Variants in DTNBP1 observed in about 807,000 individuals in gnomAD.
DTNBP1 encodes dystrobrevin binding protein 1.
A neutral mutation model predicts 42.8 loss-of-function variants in DTNBP1; 35 were observed. The ratio of observed to expected loss-of-function variants is 0.82; its 90% CI spans 0.63 to 1.09. DTNBP1 has a LOEUF of 1.09. Among genes scored for constraint, DTNBP1 ranks in the 50% least tolerant of loss-of-function variants. The pLI, the probability that DTNBP1 is intolerant of heterozygous loss-of-function variation, is 0.00. For missense variants in DTNBP1, 457 were observed against 424.2 expected (o/e 1.08, Z -0.68); for synonymous variants, 171 against 162.2 (o/e 1.05, Z -0.41).
At chr6:15,643,244 T>C (rs1180279488) in intron 3 of DTNBP1, among the ~76,000 whole-genome samples, 1 of 151,780 alleles carries the variant, frequency 6.6e-6, no homozygotes, top group Non-Finnish European at 1.5e-5. Context: ...CAGACAAAAA[T>C]AAAGAAAACT....
At chr6:15,559,489 A>G (rs1041308514) in intron 7 of DTNBP1, among the ~76,000 whole-genome samples, 2 of 152,234 alleles carry the variant, frequency 1.3e-5, no homozygotes, top group African/African-American at 4.8e-5. Flanking sequence ...GGTGACAACC[A>G]GTTCATTGGC....
At chr6:15,650,472 G>C (rs2113805534) in intron 3 of DTNBP1, among the ~76,000 whole-genome samples, 1 of 152,176 alleles carries the variant, frequency 6.6e-6, no homozygotes, top group South Asian at 2.1e-4. Context: ...GTAAGAGACA[G>C]GGTTTCACCA....
intron 1 of DTNBP1, 62 bp downstream of exon 1, chr6:15,662,752 G>T: frequency 6.2e-7 from 1 of 1,602,766 alleles, no homozygotes. Context: ...AGCGAGGCAG[G>T]GGCATCCCAG....
chr6:15,649,044 C>T (rs1042399461), intron 3 of DTNBP1, among the ~76,000 whole-genome samples: 1 of 151,974 alleles, frequency 6.6e-6, no homozygotes, highest in Non-Finnish European at 1.5e-5. Flanking sequence ...GAAATTAGAA[C>T]CTTTATACAA....
At chr6:15,526,731 G>A (rs768796736) in intron 8 of DTNBP1, among the ~76,000 whole-genome samples, 11 of 152,302 alleles carry the variant, frequency 7.2e-5, no homozygotes, top group African/African-American at 1.9e-4. Flanking sequence ...TCTGACCTAC[G>A]GAAGCCTTTC....
At position 15,615,121 on chromosome 6, in the gene DTNBP1, T is replaced by TA. The variant is rs143081101; in HGVS notation, c.488+145dup. 4.9e-3 allele frequency: 6,378 copies of TA among 1,292,820 alleles called. 240 individuals are homozygous for TA. In the African/African-American group the frequency reaches 0.08, roughly 16 times the overall value. 80.1% of individuals were successfully genotyped at this position (1,292,820 alleles called of 1,614,324 possible). A position where few individuals can be genotyped will look rare whatever the true frequency, so the allele number is the denominator to read the frequency against. The stretch of plus-strand genomic sequence containing the variant: ...AAAGATGGCAACAGACAGTGGTTTT[T>TA]AAAAAAAGTTTTGGAAAGCTTATTT... On this transcript the variant is annotated intron_variant, in intron 6 of 9. Transcript: ENST00000344537.
chr6:15,547,953 A>G (rs1773978882), intron 7 of DTNBP1, among the ~76,000 whole-genome samples: 1 of 152,264 alleles, frequency 6.6e-6, no homozygotes, highest in Non-Finnish European at 1.5e-5. Context: ...TCTGGCAAAT[A>G]AAAATTTTAG....
intron 6 of DTNBP1, among the ~76,000 whole-genome samples, chr6:15,609,746 G>C (rs1025240716): frequency 6.6e-6 from 1 of 152,200 alleles, no homozygotes; most frequent in African/African-American, 2.4e-5. Context: ...AATTGAATAT[G>C]ATTCCTCAGC....
intron 1 of DTNBP1, among the ~76,000 whole-genome samples, chr6:15,659,512 T>C (rs1157329585): frequency 6.6e-6 from 1 of 152,088 alleles, no homozygotes; most frequent in Non-Finnish European, 1.5e-5. Context: ...CAGGGCCATG[T>C]TTTTTCATTT....
At chr6:15,538,870 C>A (rs551899102) in intron 7 of DTNBP1, among the ~76,000 whole-genome samples, 1 of 152,320 alleles carries the variant, frequency 6.6e-6, no homozygotes, top group South Asian at 2.1e-4. Flanking sequence ...ATTGTTTCCT[C>A]TGGTTCAGCT....
intron 9 of DTNBP1, 91 bp from the exon 10 acceptor site, chr6:15,523,310 A>G (rs1022270598): frequency 4.4e-5 from 68 of 1,549,688 alleles, no homozygotes; most frequent in East Asian, 1.1e-4. Context: ...GCCCGTCATG[A>G]AAGGGGGGTG....
chr6:15,616,891 A>C (rs977464537), intron 5 of DTNBP1, among the ~76,000 whole-genome samples: 2 of 152,234 alleles, frequency 1.3e-5, no homozygotes, highest in African/African-American at 4.8e-5. Context: ...GCCACCAAAA[A>C]AACTTTCAGA....
intron 9 of DTNBP1, chr6:15,524,055 A>T: frequency 7.7e-7 from 1 of 1,299,780 alleles, no homozygotes. Flanking sequence ...GGATGAAAGG[A>T]ACTGAAGTGC....
intron 3 of DTNBP1, among the ~76,000 whole-genome samples, chr6:15,645,112 C>T (rs1760599011): frequency 6.6e-6 from 1 of 151,720 alleles, no homozygotes; most frequent in South Asian, 2.1e-4. Context: ...TAACTGACAC[C>T]ACAGAAAGAC....
At position 15,648,376 on chromosome 6, in the gene DTNBP1, C is replaced by T. The variant is rs919462277; in HGVS notation, c.161+2937G>A. On this transcript the variant is annotated intron_variant, in intron 3 of 9. Coordinates refer to ENST00000344537, the MANE Select transcript of DTNBP1 (RefSeq NM_032122.5). ...CTGCTTTTTCCACTTCGATTCAACA[C>T]AGTACTGGATGGTCTAGCCAGAGCA... 5.3e-5 allele frequency among the ~76,000 whole-genome samples: 8 copies of T among 151,950 alleles called. No individual in the cohort carries two copies. In the East Asian group the frequency reaches 5.8e-4, roughly 11 times the overall value.
At chr6:15,612,440 A>G (rs886947568) in intron 6 of DTNBP1, among the ~76,000 whole-genome samples, 7 of 152,230 alleles carry the variant, frequency 4.6e-5, no homozygotes, top group African/African-American at 1.7e-4. Context: ...TATTGCTATC[A>G]TATGTTTCCA....
At chr6:15,650,052 G>A (rs1366867347) in intron 3 of DTNBP1, among the ~76,000 whole-genome samples, 1 of 152,076 alleles carries the variant, frequency 6.6e-6, no homozygotes, top group Non-Finnish European at 1.5e-5. Flanking sequence ...TTTCACTTCA[G>A]AGAAGAAAAA....
rs144802190 is a variant in DTNBP1 at position 15,634,498 on chromosome 6, A to G, written c.222+3246T>C. Among the ~76,000 whole-genome samples the G allele has an allele frequency of 1.0e-3, 159 of 152,190 alleles. 1 individual carries two copies. The East Asian group carries it at 0.027, about 26-fold the overall frequency. On this transcript the variant is annotated intron_variant, in intron 4 of 9. Coordinates refer to ENST00000344537, the MANE Select transcript of DTNBP1 (RefSeq NM_032122.5). ...CACCAGGCTAATTTTTTGTATTTTC[A>G]GTAGAGACAGGATTTCACCACGTTG...
chr6:15,524,251 G>A lies in DTNBP1; in HGVS notation c.811+275C>T, dbSNP rs533002799. ...AGCAGACTCAAATGGATTTCTGGGT[G>A]GTAAAGGAGGGAAAACAAACAAGAA... On this transcript the variant is annotated intron_variant, in intron 9 of 9. Transcript: ENST00000344537. 27 of 1,589,108 alleles carry A rather than the reference G, an allele frequency of 1.7e-5. No homozygotes were observed. In the African/African-American group the frequency reaches 3.0e-4, roughly 17 times the overall value.
Sources: allele counts gnomAD v4.1 joint callset (sites outside exome capture counted in the v4.1 genomes callset), GRCh38; gene constraint gnomAD v4.1.1; transcripts MANE v1.5; gene names NCBI Gene and HGNC (gene_info 2026-07-23, HGNC 2026-07-21).